The following CATSPERE variants were observed in gnomAD, a reference collection of about 807,000 sequenced individuals.
The protein encoded by CATSPERE is cation channel sperm-associated auxiliary subunit epsilon.
A neutral mutation model predicts 114.1 loss-of-function variants in CATSPERE; 93 were observed. That is an observed-to-expected ratio of 0.81 (90% CI 0.69 to 0.97). CATSPERE has a LOEUF of 0.97. Among genes scored for constraint, CATSPERE ranks in the 50% least tolerant of loss-of-function variants. The pLI is 0.00. For missense variants in CATSPERE, 1,058 were observed against 1,131.6 expected (o/e 0.93, Z 0.93); for synonymous variants, 341 against 384.1 (o/e 0.89, Z 1.31).
chr1:244,476,818 A>G (rs576468845), intron 2 of CATSPERE, among the ~76,000 whole-genome samples: 1 of 152,330 alleles, frequency 6.6e-6, no homozygotes, highest in African/African-American at 2.4e-5. Context: ...AAGTAGCTTT[A>G]GAAATAAGAA....
At chr1:244,454,032 C>A (rs1665889897), upstream of CATSPERE, among the ~76,000 whole-genome samples, 1 of 152,196 alleles carries the variant, frequency 6.6e-6, no homozygotes, top group Admixed American at 6.5e-5. Flanking sequence ...GGTTAGGGAT[C>A]TGATTGGGAA....
Position 244,588,507 on chromosome 1 carries a change from A to T in CATSPERE, c.2111A>T (p.Asp704Val). 6.2e-7 allele frequency: 1 copy of T among 1,612,150 alleles called. No homozygotes were observed. Among genetic ancestry groups the T allele is most frequent in the Non-Finnish European group, 8.5e-7 (1 of 1,178,302 alleles). ...GTGTTCCAAATAGCTGTTGGCTGTG[A>T]TGATAAAAAATTCATTGCAATTAAA... Reference protein sequence around the residue: ...QKVFQIAVGCDDKKFIAIKGF... With the variant: ...QKVFQIAVGCVDKKFIAIKGF... Residue 704 changes from aspartate (D) to valine (V), a missense_variant, in exon 14 of 22, where the codon GAT (aspartate) becomes GTT (valine). Coordinates refer to ENST00000366534, the MANE Select transcript of CATSPERE (RefSeq NM_001130957.2).
At chr1:244,559,961 A>T (rs1202805017) in intron 9 of CATSPERE, among the ~76,000 whole-genome samples, 1 of 152,160 alleles carries the variant, frequency 6.6e-6, no homozygotes, top group African/African-American at 2.4e-5. Context: ...ATTGAAACAA[A>T]TCAAACCTTA....
In CATSPERE at chr1:244,625,750, A is replaced by AC. The variant is rs1673113245; in HGVS notation, c.2648+8064_2648+8065insC. On this transcript the variant is annotated intron_variant, in intron 20 of 21. Transcript: ENST00000366534. ...CCTATTTTTATTCTTTTATTTATTT[A>AC]TTTACTTTACTTTTTAAAATAAGAG... is the stretch of plus-strand genomic sequence containing the variant. 3.3e-5 allele frequency among the ~76,000 whole-genome samples: 5 copies of AC among 150,160 alleles called. No individual in the cohort carries two copies. The South Asian group carries it at 1.1e-3, about 32-fold the overall frequency.
At chr1:244,522,807 G>C (rs1336028009) in intron 8 of CATSPERE, among the ~76,000 whole-genome samples, 1 of 152,118 alleles carries the variant, frequency 6.6e-6, no homozygotes, top group Non-Finnish European at 1.5e-5. Context: ...TCTCTGAATA[G>C]ACCAATAACA....
intron 8 of CATSPERE, among the ~76,000 whole-genome samples, chr1:244,526,969 G>A (rs574599484): frequency 6.6e-6 from 1 of 152,224 alleles, no homozygotes; most frequent in African/African-American, 2.4e-5. Flanking sequence ...TATGAATAGG[G>A]TGTGGGTCAC....
At chr1:244,495,530 G>T (rs1319614997) in intron 6 of CATSPERE, among the ~76,000 whole-genome samples, 1 of 152,020 alleles carries the variant, frequency 6.6e-6, no homozygotes, top group Non-Finnish European at 1.5e-5. Flanking sequence ...AGACCATCCT[G>T]GCCAACACAG....
At chr1:244,591,622 T>C in intron 14 of CATSPERE, 59 bp from the exon 15 acceptor site, 1 of 1,020,104 alleles carries the variant, frequency 9.8e-7, no homozygotes, top group South Asian at 1.5e-5. Flanking sequence ...AATGATTAAA[T>C]GTTTTTGCAA....
intron 15 of CATSPERE, among the ~76,000 whole-genome samples, chr1:244,593,091 C>T (rs976328469): frequency 8.3e-4 from 126 of 152,196 alleles, no homozygotes; most frequent in African/African-American, 2.9e-3. Context: ...AATAGCACAA[C>T]GAACATGGGC....
At chr1:244,574,287 C>G (rs1313518443) in intron 11 of CATSPERE, among the ~76,000 whole-genome samples, 1 of 152,040 alleles carries the variant, frequency 6.6e-6, no homozygotes, top group Non-Finnish European at 1.5e-5. Context: ...ACAGATATCT[C>G]GGTTAAAGTA....
intron 2 of CATSPERE, among the ~76,000 whole-genome samples, chr1:244,470,875 C>T (rs559433599): frequency 2.8e-4 from 43 of 152,202 alleles, no homozygotes; most frequent in African/African-American, 1.0e-3. Flanking sequence ...TATAGAAAAG[C>T]CTTGAAAACA....
intron 8 of CATSPERE, 124 bp from the exon 9 acceptor site, chr1:244,552,198 A>C (rs762527093): frequency 1.1e-4 from 128 of 1,208,652 alleles, no homozygotes; most frequent in Non-Finnish European, 1.4e-4. Context: ...TTTTAATATT[A>C]TTTGTCTTAT....
At chr1:244,523,838 G>A (rs371249433) in intron 8 of CATSPERE, among the ~76,000 whole-genome samples, 98 of 147,868 alleles carry the variant, frequency 6.6e-4, no homozygotes, top group Non-Finnish European at 8.8e-4. Context: ...AAATAAAAGA[G>A]GATACAAAGA....
rs866627878 is a variant in CATSPERE at position 244,528,432 on chromosome 1, G to A, written c.536+9734G>A. Among the ~76,000 whole-genome samples, 17 of 152,244 alleles carry A rather than the reference G, an allele frequency of 1.1e-4. No individual in the cohort carries two copies. The Middle Eastern group carries it at 0.01, about 91-fold the overall frequency. ...TAAAGTGTAATTCCATTTATATAAAGTACAAAACTAGAAAAATTAAATAGT... is the reference window on the plus strand; with the variant it reads ...TAAAGTGTAATTCCATTTATATAAAATACAAAACTAGAAAAATTAAATAGT... On this transcript the variant is annotated intron_variant, in intron 8 of 21. Transcript: ENST00000366534.
In CATSPERE at chr1:244,532,836, A is replaced by G. The variant is rs150312530; in HGVS notation, c.536+14138A>G. Among the ~76,000 whole-genome samples the G allele has an allele frequency of 4.6e-5, 7 of 152,186 alleles. No homozygotes were observed. In the East Asian group the frequency reaches 5.8e-4, roughly 13 times the overall value. Reference sequence around the variant, plus strand: ...GGAGAAGAATGTGCACTCTATATCTATTGAATAAAATGCTCTGTAAGTATC... The same window carrying G: ...GGAGAAGAATGTGCACTCTATATCTGTTGAATAAAATGCTCTGTAAGTATC... On this transcript the variant is annotated intron_variant, in intron 8 of 21. Transcript: ENST00000366534.
chr1:244,582,768 C>T (rs548233654), intron 12 of CATSPERE, among the ~76,000 whole-genome samples: 18 of 152,126 alleles, frequency 1.2e-4, no homozygotes, highest in Non-Finnish European at 1.8e-4. Context: ...CTATGCCAAG[C>T]ACTTTCTAGG....
At chr1:244,599,226 C>T (rs773659371) in intron 17 of CATSPERE, among the ~76,000 whole-genome samples, 1 of 152,176 alleles carries the variant, frequency 6.6e-6, no homozygotes, top group Non-Finnish European at 1.5e-5. Context: ...CAGACTGACA[C>T]CTCCACTGAG....
intron 20 of CATSPERE, among the ~76,000 whole-genome samples, chr1:244,623,704 G>A (rs1672697342): frequency 6.6e-6 from 1 of 152,124 alleles, no homozygotes; most frequent in South Asian, 2.1e-4. Context: ...AGCGAGTCAT[G>A]TGAATTTTTT....
intron 18 of CATSPERE, among the ~76,000 whole-genome samples, chr1:244,606,606 CTT>C (rs57618634): frequency 3.0e-5 from 4 of 133,256 alleles, no homozygotes; most frequent in African/African-American, 2.8e-5. Context: ...CTTTCTTTTG[CTT>C]TTTTTTTTTT....
Sources: gnomAD v4.1 joint callset for allele counts (sites outside exome capture counted in the v4.1 genomes callset) on GRCh38, gnomAD v4.1.1 for gene constraint, MANE v1.5 for transcripts, NCBI Gene and HGNC (gene_info 2026-07-23, HGNC 2026-07-21) for gene names.